Variants in SMAP1 observed in about 807,000 individuals in gnomAD.
SMAP1 encodes the protein small ArfGAP 1.
In SMAP1, 24 loss-of-function variants were observed where a neutral mutation model predicts 58.5. The observed-to-expected ratio is 0.41, with a 90% CI of 0.30 to 0.58. The LOEUF (loss-of-function observed/expected upper bound fraction) is 0.58. Ranked by LOEUF, SMAP1 falls within the 20% of genes least tolerant of loss-of-function variation. The probability of loss-of-function intolerance (pLI) is 0.29; values close to 1 mark genes in which losing one functional copy is unlikely to be tolerated. For missense variants in SMAP1, 563 were observed against 566.3 expected (o/e 0.99, Z 0.06); for synonymous variants, 216 against 196.6 (o/e 1.10, Z -0.82).
intron 1 of SMAP1, among the ~76,000 whole-genome samples, chr6:70,668,361 G>A (rs1289158507): frequency 6.6e-6 from 1 of 152,174 alleles, no homozygotes; most frequent in African/African-American, 2.4e-5. Context: ...CCTGTCAGTG[G>A]CCCCAGCCTC....
chr6:70,859,068 T>C (rs1410175836), intron 10 of SMAP1: 5 of 266,120 alleles, frequency 1.9e-5, no homozygotes, highest in Non-Finnish European at 3.5e-5. Flanking sequence ...GGTTTCTGTT[T>C]GGTCACTTGT....
intron 1 of SMAP1, among the ~76,000 whole-genome samples, chr6:70,702,109 G>A (rs1767652775): frequency 6.6e-6 from 1 of 152,100 alleles, no homozygotes; most frequent in Admixed American, 6.5e-5. Context: ...TGTCCGTAAT[G>A]CCTTTTCCCC....
chr6:70,775,434 C>T (rs1423030630), intron 4 of SMAP1, among the ~76,000 whole-genome samples: 2 of 151,848 alleles, frequency 1.3e-5, no homozygotes, highest in East Asian at 1.9e-4. Context: ...GTTTTTTCCC[C>T]CCTTCAAGGT....
At chr6:70,670,801 T>A (rs1343071712) in intron 1 of SMAP1, among the ~76,000 whole-genome samples, 1 of 152,266 alleles carries the variant, frequency 6.6e-6, no homozygotes, top group Admixed American at 6.5e-5. Context: ...GGTGCCTGTA[T>A]TATCTTGCCT....
chr6:70,722,489 G>A (rs1768573381), intron 1 of SMAP1, among the ~76,000 whole-genome samples: 1 of 152,210 alleles, frequency 6.6e-6, no homozygotes, highest in South Asian at 2.1e-4. Context: ...TGTATGTACT[G>A]TGCATAGACC....
chr6:70,777,196 A>G (rs921001908), intron 4 of SMAP1, among the ~76,000 whole-genome samples: 1 of 152,040 alleles, frequency 6.6e-6, no homozygotes, highest in Admixed American at 6.6e-5. Flanking sequence ...AAGATATCTT[A>G]TTGTGGTTTT....
chr6:70,714,587 T>C (rs1318008824), intron 1 of SMAP1, among the ~76,000 whole-genome samples: 1 of 152,188 alleles, frequency 6.6e-6, no homozygotes, highest in Non-Finnish European at 1.5e-5. Flanking sequence ...ACTTTTATCT[T>C]TTAGGTTTTG....
intron 6 of SMAP1, among the ~76,000 whole-genome samples, chr6:70,812,161 T>C (rs996183786): frequency 6.6e-5 from 10 of 152,222 alleles, no homozygotes; most frequent in African/African-American, 2.4e-4. Flanking sequence ...GGGGGACTGC[T>C]GTAGACACAA....
chr6:70,697,120 A>G (rs1228215630), intron 1 of SMAP1, among the ~76,000 whole-genome samples: 1 of 152,068 alleles, frequency 6.6e-6, no homozygotes, highest in Non-Finnish European at 1.5e-5. Flanking sequence ...GTGTGTTATT[A>G]CAGGTGAAGT....
intron 1 of SMAP1, among the ~76,000 whole-genome samples, chr6:70,727,179 C>T (rs1768829780): frequency 6.6e-6 from 1 of 152,114 alleles, no homozygotes; most frequent in African/African-American, 2.4e-5. Flanking sequence ...AGGGTCTCGG[C>T]TCACTGCAAC....
chr6:70,761,198 G>A (rs763203887), intron 3 of SMAP1, among the ~76,000 whole-genome samples: 1 of 152,000 alleles, frequency 6.6e-6, no homozygotes, highest in Non-Finnish European at 1.5e-5. Context: ...GTATAATAAT[G>A]TTGAAATTTT....
At chr6:70,717,597 T>G (rs965748496) in intron 1 of SMAP1, among the ~76,000 whole-genome samples, 2 of 152,224 alleles carry the variant, frequency 1.3e-5, no homozygotes, top group Admixed American at 1.3e-4. Flanking sequence ...TCGGCCAGTT[T>G]CTGGCTTTCT....
At chr6:70,784,422 A>G (rs1403296350) in intron 4 of SMAP1, among the ~76,000 whole-genome samples, 1 of 152,232 alleles carries the variant, frequency 6.6e-6, no homozygotes, top group African/African-American at 2.4e-5. Flanking sequence ...AGCTAACATC[A>G]TAATGACAGG....
At chr6:70,692,460 G>A (rs920786346) in intron 1 of SMAP1, among the ~76,000 whole-genome samples, 9 of 152,040 alleles carry the variant, frequency 5.9e-5, no homozygotes, top group Admixed American at 5.9e-4. Context: ...GTCCATTTTT[G>A]CTTTGGTTGC....
At chr6:70,809,032 T>C (rs1453445808) in intron 6 of SMAP1, among the ~76,000 whole-genome samples, 1 of 152,066 alleles carries the variant, frequency 6.6e-6, no homozygotes, top group Admixed American at 6.6e-5. Flanking sequence ...CCCTAAAGTA[T>C]GTATTGTGAT....
chr6:70,774,611 G>T (rs2149916442), intron 4 of SMAP1, among the ~76,000 whole-genome samples: 1 of 152,290 alleles, frequency 6.6e-6, no homozygotes, highest in African/African-American at 2.4e-5. Flanking sequence ...CAATATGGTA[G>T]CTCATGCCTG....
At position 70,861,810 on chromosome 6, in the gene SMAP1, A is replaced by G. The variant is rs1293189234; in HGVS notation, c.*1476A>G. 6.2e-7 allele frequency: 1 copy of G among 1,613,964 alleles called. No individual in the cohort carries two copies. The highest frequency in any genetic ancestry group is 8.5e-7 in the Non-Finnish European group (1 of 1,179,970). On this transcript the variant is annotated 3_prime_UTR_variant, in exon 11 of 11. Transcript: ENST00000370455. ...TTCATGGTGACACTCGAGGTCGGGC[A>G]GCACAAGTGTAATGAATACCTTAGT...
intron 1 of SMAP1, among the ~76,000 whole-genome samples, chr6:70,729,299 C>T (rs914259414): frequency 1.3e-5 from 2 of 151,796 alleles, no homozygotes; most frequent in African/African-American, 2.4e-5. Context: ...ATTAGCTGGG[C>T]GAAGTGGCGG....
chr6:70,755,510 G>A (rs923253282), intron 3 of SMAP1, among the ~76,000 whole-genome samples: 1 of 151,974 alleles, frequency 6.6e-6, no homozygotes, highest in Non-Finnish European at 1.5e-5. Context: ...TTGCTCAACC[G>A]TAGGCTAATG....
Sources: allele counts gnomAD v4.1 joint callset (sites outside exome capture counted in the v4.1 genomes callset), GRCh38; gene constraint gnomAD v4.1.1; transcripts MANE v1.5; gene names NCBI Gene and HGNC (gene_info 2026-07-23, HGNC 2026-07-21).